ARMC8: variants seen among roughly 807,000 people sequenced by gnomAD.
ARMC8 encodes armadillo repeat containing 8, also known as armadillo repeat-containing protein 8.
Under a neutral mutation model 99.3 loss-of-function variants are expected in ARMC8, and 20 were observed. The observed-to-expected ratio is 0.20, with a 90% CI of 0.14 to 0.29. The LOEUF (loss-of-function observed/expected upper bound fraction) is 0.29, where lower values mean the gene tolerates loss of function less well. ARMC8 is among the 10% of genes least tolerant of loss of function. ARMC8 has a pLI of 1.00. For synonymous variants in ARMC8, 263 were observed against 278.3 expected (o/e 0.95, Z 0.55); for missense variants, 569 against 809.5 (o/e 0.70, Z 3.60).
intron 19 of ARMC8, chr3:138,287,645 G>A (rs1470221755): frequency 2.2e-6 from 1 of 456,642 alleles, no homozygotes; most frequent in East Asian, 6.9e-5. Flanking sequence ...GCCCAAACTG[G>A]ACATCTCCTT....
chr3:138,242,412 T>C (rs2046670656), intron 11 of ARMC8, among the ~76,000 whole-genome samples: 1 of 152,222 alleles, frequency 6.6e-6, no homozygotes, highest in African/African-American at 2.4e-5. Context: ...TACCTTTCCC[T>C]ATCTTCTCTT....
intron 2 of ARMC8, 118 bp downstream of exon 2, chr3:138,210,011 T>C: frequency 1.6e-6 from 1 of 638,678 alleles, no homozygotes; most frequent in Non-Finnish European, 2.6e-6. Context: ...TTTGGCTTCT[T>C]TCTAGAAAGA....
chr3:138,275,245 G>A (rs2049165612), intron 18 of ARMC8, among the ~76,000 whole-genome samples: 1 of 152,136 alleles, frequency 6.6e-6, no homozygotes, highest in Non-Finnish European at 1.5e-5. Context: ...TTGGCTACAT[G>A]GTTATGTTCT....
chr3:138,258,881 A>G (rs188862906), intron 12 of ARMC8, among the ~76,000 whole-genome samples: 1 of 152,368 alleles, frequency 6.6e-6, no homozygotes, highest in Admixed American at 6.5e-5. Context: ...GATTCAGTCT[A>G]CTACAAGTAC....
chr3:138,191,168 C>G (rs1232030307), intron 1 of ARMC8, among the ~76,000 whole-genome samples: 2 of 152,106 alleles, frequency 1.3e-5, no homozygotes, highest in African/African-American at 4.8e-5. Context: ...CTTGCAAATC[C>G]TAGGTACTCA....
chr3:138,244,569 C>T (rs573131192), intron 11 of ARMC8, among the ~76,000 whole-genome samples: 27 of 152,300 alleles, frequency 1.8e-4, no homozygotes, highest in South Asian at 1.7e-3. Context: ...TGAGCCACCG[C>T]GCCCGGCCTC....
At chr3:138,195,652 A>G (rs892242446) in intron 1 of ARMC8, among the ~76,000 whole-genome samples, 2 of 152,136 alleles carry the variant, frequency 1.3e-5, no homozygotes, top group African/African-American at 4.8e-5. Flanking sequence ...TTGCAGTACC[A>G]TCTGTCCTGT....
intron 2 of ARMC8, among the ~76,000 whole-genome samples, chr3:138,217,097 T>C (rs967974425): frequency 3.9e-5 from 6 of 152,200 alleles, no homozygotes; most frequent in African/African-American, 1.4e-4. Flanking sequence ...TCTAAGTGTG[T>C]AGTAGGCTAT....
chr3:138,189,575 G>A (rs934788339), intron 1 of ARMC8, among the ~76,000 whole-genome samples: 5 of 152,180 alleles, frequency 3.3e-5, no homozygotes, highest in Admixed American at 2.0e-4. Context: ...TATTGTATAC[G>A]TTAGAGAATG....
chr3:138,237,541 C>T lies in ARMC8; in HGVS notation c.745C>T (p.Pro249Ser), dbSNP rs1314957051. The change falls in exon 9 of 22, where the codon CCT becomes TCT. Residue 249 changes from proline to serine, a missense_variant. Pro to Ser is a moderately conservative substitution (Grantham distance 74, BLOSUM62 -1). Transcript: ENST00000469044. ...IFVKMLQRDK[P>S]IEMQLTSAKC... Reference sequence around the variant, plus strand: ...TGTGAAGATGTTACAGAGGGATAAGCCTATTGAGATGCAGCTCACATCAGC... The same window carrying T: ...TGTGAAGATGTTACAGAGGGATAAGTCTATTGAGATGCAGCTCACATCAGC... The T allele has an allele frequency of 2.9e-5, 46 of 1,613,292 alleles. No individual in the cohort carries two copies. The highest frequency in any genetic ancestry group is 3.8e-5 in the Non-Finnish European group (45 of 1,179,916).
intron 20 of ARMC8, among the ~76,000 whole-genome samples, chr3:138,290,138 A>G (rs2108383906): frequency 1.3e-5 from 2 of 152,298 alleles, no homozygotes; most frequent in African/African-American, 4.8e-5. Context: ...AGAAGACAAT[A>G]GAAAGGGGAA....
intron 12 of ARMC8, chr3:138,262,634 C>T: frequency 1.3e-6 from 2 of 1,515,208 alleles, no homozygotes; most frequent in Non-Finnish European, 1.8e-6. Context: ...TAGCCCTGAC[C>T]CTGGAGAATC....
intron 21 of ARMC8, 40 bp from the exon 22 acceptor site, chr3:138,295,819 A>G: frequency 1.2e-6 from 2 of 1,610,890 alleles, no homozygotes; most frequent in Non-Finnish European, 1.7e-6. Flanking sequence ...CCCCAATTAC[A>G]ATTCTGAGAT....
At chr3:138,243,379 G>A (rs1287191349) in intron 11 of ARMC8, among the ~76,000 whole-genome samples, 3 of 152,178 alleles carry the variant, frequency 2.0e-5, no homozygotes, top group African/African-American at 7.2e-5. Context: ...TTTCTGACCC[G>A]AAAAGTATAG....
intron 21 of ARMC8, among the ~76,000 whole-genome samples, chr3:138,295,233 T>C (rs2051369065): frequency 6.6e-6 from 1 of 152,142 alleles, no homozygotes; most frequent in Admixed American, 6.5e-5. Flanking sequence ...CTGGCCACCT[T>C]CTTCCCCCAT....
At chr3:138,209,671 A>C (rs1230855825) in intron 1 of ARMC8, 146 bp from the exon 2 acceptor site, 3 of 644,072 alleles carry the variant, frequency 4.7e-6, no homozygotes, top group Non-Finnish European at 8.2e-6. Flanking sequence ...ATCCCATATC[A>C]TGAGGAGGCA....
intron 13 of ARMC8, 92 bp from the exon 14 acceptor site, chr3:138,264,039 G>T: frequency 8.6e-7 from 1 of 1,167,822 alleles, no homozygotes; most frequent in South Asian, 1.3e-5. Context: ...TATGCTTGAA[G>T]TGTACATTAG....
intron 21 of ARMC8, among the ~76,000 whole-genome samples, chr3:138,292,447 G>A (rs984751561): frequency 7.2e-5 from 11 of 152,252 alleles, no homozygotes; most frequent in African/African-American, 2.4e-4. Flanking sequence ...AATAATGTCG[G>A]TAAGGGAGTG....
chr3:138,274,747 C>G (rs2291093), intron 18 of ARMC8, among the ~76,000 whole-genome samples: 50,932 of 152,120 alleles, frequency 0.33, 10,660 homozygotes, highest in East Asian at 0.8. Context: ...TGACCAGCGT[C>G]TACAGTTTTG....
Sources: gnomAD v4.1 joint callset for allele counts (sites outside exome capture counted in the v4.1 genomes callset) on GRCh38, gnomAD v4.1.1 for gene constraint, MANE v1.5 for transcripts, NCBI Gene and HGNC (gene_info 2026-07-23, HGNC 2026-07-21) for gene names.